Variants in NTMT2 observed in about 807,000 individuals in gnomAD.
NTMT2 encodes X-Pro-Lys N-terminal protein methyltransferase 1B.
In NTMT2, 21 loss-of-function variants were observed where a neutral mutation model predicts 23.4. The observed-to-expected ratio is 0.90, with a 90% confidence interval of 0.64 to 1.29. The LOEUF (loss-of-function observed/expected upper bound fraction) is 1.29, where lower values mean the gene tolerates loss of function less well. Among genes scored for constraint, NTMT2 ranks in the 50% most tolerant of loss-of-function variants. The pLI, the probability that NTMT2 is intolerant of heterozygous loss-of-function variation, is 0.00. For missense variants in NTMT2, 336 were observed against 352.0 expected, an observed-to-expected ratio of 0.95 and a Z score of 0.36; for synonymous variants, 131 against 127.7, an observed-to-expected ratio of 1.03 and a Z score of -0.17.
intron 1 of NTMT2, among the ~76,000 whole-genome samples, chr1:170,146,469 T>C (rs1330740236): frequency 1.3e-5 from 2 of 152,078 alleles, no homozygotes; most frequent in Non-Finnish European, 2.9e-5. Context: ...CAGGACTTTA[T>C]TTTGGGATTT....
At chr1:170,164,261 T>G (rs947526813) in intron 2 of NTMT2, among the ~76,000 whole-genome samples, 4 of 152,180 alleles carry the variant, frequency 2.6e-5, no homozygotes, top group Non-Finnish European at 5.9e-5. Flanking sequence ...AAGTTCATGG[T>G]GCTTTATTGT....
chr1:170,151,216 A>C (rs950345400), intron 1 of NTMT2, among the ~76,000 whole-genome samples: 2 of 151,952 alleles, frequency 1.3e-5, no homozygotes, highest in Non-Finnish European at 2.9e-5. Flanking sequence ...TTACTCATCT[A>C]TAAAATGACG....
Position 170,167,506 on chromosome 1 carries a change from CT to C in NTMT2, c.603del (p.Ala203HisfsTer10). On this transcript the variant is annotated frameshift_variant, in exon 4 of 4. Transcript: ENST00000439373. LOFTEE classifies it high-confidence loss of function. ...WVSGHLTDKD[L>X]LAFLSRCRDG... is the part of the protein sequence containing the mutation. Reference sequence around the variant, plus strand: ...TGTAGGGCACCTGACTGATAAGGACCTTCTTGCATTTCTTTCCCGGTGCCGA... The same window carrying C: ...TGTAGGGCACCTGACTGATAAGGACCTCTTGCATTTCTTTCCCGGTGCCGA... 6.4e-7 allele frequency: 1 copy of C among 1,550,910 alleles called. No individual in the cohort carries two copies. The highest frequency in any genetic ancestry group is 8.7e-7 in the Non-Finnish European group (1 of 1,146,550).
At chr1:170,166,011 A>G (rs751753734) in intron 2 of NTMT2, among the ~76,000 whole-genome samples, 4 of 151,634 alleles carry the variant, frequency 2.6e-5, no homozygotes, top group Non-Finnish European at 4.4e-5. Flanking sequence ...GTGCATGGCT[A>G]TTCACATTTG....
At chr1:170,164,058 G>T (rs1233682890) in intron 2 of NTMT2, among the ~76,000 whole-genome samples, 2 of 149,996 alleles carry the variant, frequency 1.3e-5, no homozygotes, top group East Asian at 4.0e-4. Flanking sequence ...GGAGGTGGAG[G>T]TTGCAGTGAG....
At chr1:170,159,229 T>G (rs1673220622) in intron 1 of NTMT2, among the ~76,000 whole-genome samples, 1 of 152,076 alleles carries the variant, frequency 6.6e-6, no homozygotes, top group East Asian at 1.9e-4. Flanking sequence ...TATGTGAAAA[T>G]GAGTAGTGTT....
At chr1:170,165,771 C>A (rs1394248567) in intron 2 of NTMT2, among the ~76,000 whole-genome samples, 1 of 150,812 alleles carries the variant, frequency 6.6e-6, no homozygotes, top group East Asian at 1.9e-4. Context: ...AGTGTAGAAC[C>A]ATTTACCTGT....
chr1:170,146,202 A>G lies in NTMT2; in HGVS notation c.95A>G (p.Lys32Arg). ...CATAGCATGTCTTTTATCCTTCACA[A>G]AGCCATTCGCAATGACTTCTTTCAG... ...CRHSMSFILH[K>R]AIRNDFFQSY... Residue 32 changes from lysine (K) to arginine (R), a missense_variant, in exon 1 of 4, where the codon AAA (lysine) becomes AGA (arginine). Physicochemically the swap from Lys to Arg is conservative, Grantham distance 26 (BLOSUM62 2). Coordinates refer to ENST00000439373, the MANE Select transcript of NTMT2 (RefSeq NM_001136107.2). 6.4e-7 allele frequency: 1 copy of G among 1,551,090 alleles called. No homozygotes were observed. The highest frequency in any genetic ancestry group is 1.2e-5 in the South Asian group (1 of 84,006).
intron 1 of NTMT2, among the ~76,000 whole-genome samples, chr1:170,156,897 T>C (rs1673174266): frequency 6.6e-6 from 1 of 152,114 alleles, no homozygotes; most frequent in African/African-American, 2.4e-5. Context: ...ATTAAGGGTT[T>C]TAATAGACTG....
intron 2 of NTMT2, 80 bp from the exon 3 acceptor site, chr1:170,166,422 T>C (rs1460751415): frequency 6.9e-5 from 102 of 1,486,546 alleles, no homozygotes; most frequent in Non-Finnish European, 9.2e-5. Flanking sequence ...ATTACAAGCG[T>C]GAGCCACCGC....
chr1:170,151,098 G>T (rs1246114743), intron 1 of NTMT2, among the ~76,000 whole-genome samples: 1 of 152,132 alleles, frequency 6.6e-6, no homozygotes, highest in Non-Finnish European at 1.5e-5. Context: ...GTTCTGTGTG[G>T]TTTAACAGAA....
chr1:170,166,860 C>A, intron 3 of NTMT2, 109 bp downstream of exon 3: 1 of 1,184,212 alleles, frequency 8.4e-7, no homozygotes, highest in Non-Finnish European at 1.2e-6. Context: ...GTACTTCAAG[C>A]AGTTAGCTAG....
chr1:170,152,961 A>G (rs960723233), intron 1 of NTMT2, among the ~76,000 whole-genome samples: 2 of 152,168 alleles, frequency 1.3e-5, no homozygotes, highest in African/African-American at 4.8e-5. Context: ...TGGATCCCTC[A>G]TGCCTTGGTG....
chr1:170,147,966 T>C (rs1430318169), intron 1 of NTMT2, among the ~76,000 whole-genome samples: 2 of 152,138 alleles, frequency 1.3e-5, no homozygotes, highest in African/African-American at 4.8e-5. Context: ...GTTTTACCAA[T>C]GAGTTTTGAC....
At chr1:170,160,742 A>C (rs1673260156) in intron 2 of NTMT2, 49 bp downstream of exon 2, 1 of 1,445,024 alleles carries the variant, frequency 6.9e-7, no homozygotes, top group African/African-American at 1.4e-5. Flanking sequence ...CCTTGCAAAC[A>C]TTGAGCTCGC....
intron 1 of NTMT2, 143 bp downstream of exon 1, chr1:170,146,404 T>C: frequency 1.3e-6 from 1 of 761,630 alleles, no homozygotes. Flanking sequence ...TGGGCTGAAA[T>C]GTTTCAGTGG....
At chr1:170,153,603 G>A (rs1386285570) in intron 1 of NTMT2, among the ~76,000 whole-genome samples, 2 of 152,214 alleles carry the variant, frequency 1.3e-5, no homozygotes, top group East Asian at 3.9e-4. Context: ...CTGGAAGATT[G>A]AACTTAAGAG....
chr1:170,168,128 G>A lies in NTMT2; in HGVS notation c.*371G>A, dbSNP rs1673433958. 7.4e-6 allele frequency among the ~76,000 whole-genome samples: 1 copy of A among 135,606 alleles called. No homozygotes were observed. 89.0% of individuals were successfully genotyped at this position (135,606 alleles called of 152,430 possible). On this transcript the variant is annotated 3_prime_UTR_variant, in exon 4 of 4. Coordinates refer to ENST00000439373, the MANE Select transcript of NTMT2 (RefSeq NM_001136107.2). ...TTTCACAACATCCTAGACAAAAATGGTGGTTTTTTTTTTGTTTTTCCATCA... is the reference window on the plus strand; with the variant it reads ...TTTCACAACATCCTAGACAAAAATGATGGTTTTTTTTTTGTTTTTCCATCA...
chr1:170,153,267 C>G (rs140065044), intron 1 of NTMT2, among the ~76,000 whole-genome samples: 125 of 152,282 alleles, frequency 8.2e-4, no homozygotes, highest in Middle Eastern at 6.8e-3. Context: ...ACAATTGGTA[C>G]TGATGAGTAG....
Sources: allele counts gnomAD v4.1 joint callset (sites outside exome capture counted in the v4.1 genomes callset), GRCh38; gene constraint gnomAD v4.1.1; transcripts MANE v1.5; gene names NCBI Gene and HGNC (gene_info 2026-07-23, HGNC 2026-07-21).